The following CDH23 variants were observed in gnomAD, a reference collection of about 807,000 sequenced individuals.
CDH23 encodes the protein cadherin-23.
Under a neutral mutation model 317.1 loss-of-function variants are expected in CDH23, and 189 were observed. The ratio of observed to expected loss-of-function variants is 0.60; its 90% CI spans 0.53 to 0.67. The LOEUF (loss-of-function observed/expected upper bound fraction) is 0.67, where lower values mean the gene tolerates loss of function less well. Among genes scored for constraint, CDH23 ranks in the 30% least tolerant of loss-of-function variants. The pLI is 0.00. For missense variants in CDH23, 4,401 were observed against 4,592.4 expected, an observed-to-expected ratio of 0.96 and a Z score of 1.20; for synonymous variants, 1,839 against 1,876.8, an observed-to-expected ratio of 0.98 and a Z score of 0.52.
rs1230947269 is a variant in CDH23, at chr10:71,807,606, C to G, written c.8399C>G (p.Ser2800Cys). The change falls in exon 59 of 70, where the codon TCC becomes TGC. Residue 2800 changes from serine to cysteine, a missense_variant. Coordinates refer to ENST00000224721, the MANE Select transcript of CDH23 (RefSeq NM_022124.6). ...DLDREREAIF[S>C]FIVKASSNRS... Reference sequence around the variant, plus strand: ...GACCGGGAGCGAGAAGCCATCTTCTCCTTCATCGTCAAGGCCTCCAGCAAT... The same window carrying G: ...GACCGGGAGCGAGAAGCCATCTTCTGCTTCATCGTCAAGGCCTCCAGCAAT... 3 of 1,613,986 alleles carry G rather than the reference C, an allele frequency of 1.9e-6. No individual in the cohort carries two copies. The highest frequency in any genetic ancestry group is 2.5e-6 in the Non-Finnish European group (3 of 1,179,882).
rs187607291 is a variant in CDH23, at chr10:71,403,602, C to T, written c.-6+6284C>T. Among the ~76,000 whole-genome samples the T allele has an allele frequency of 3.9e-4, 58 of 150,184 alleles. No individual in the cohort carries two copies. In the East Asian group the frequency reaches 6.2e-3, roughly 16 times the overall value. ...CGCAATCTCAGCTTACTGCAACCTC[C>T]GCCTCCCGGATTCAAGTGATTCTCC... On this transcript the variant is annotated intron_variant, in intron 1 of 69. Transcript: ENST00000224721.
chr10:71,771,344 C>T (rs1028979984), intron 38 of CDH23, among the ~76,000 whole-genome samples: 2 of 152,214 alleles, frequency 1.3e-5, no homozygotes, highest in African/African-American at 2.4e-5. Context: ...AGTGCTGGCC[C>T]AACCCCAAGA....
In CDH23 at chr10:71,725,362, C is replaced by G; in HGVS notation, c.3431-10C>G. 1 of 1,613,998 alleles carries G rather than the reference C, an allele frequency of 6.2e-7. No homozygotes were observed. Among genetic ancestry groups the G allele is most frequent in the Non-Finnish European group, 8.5e-7 (1 of 1,179,876 alleles). On this transcript the variant is annotated splice_polypyrimidine_tract_variant and intron_variant, in intron 29 of 69. Transcript: ENST00000224721. ...GGCCGGTGTTCCAGGGGGTCTGTCCCTCCACACAGGTAACCATGGCAACAA... is the reference window on the plus strand; with the variant it reads ...GGCCGGTGTTCCAGGGGGTCTGTCCGTCCACACAGGTAACCATGGCAACAA...
intron 1 of CDH23, among the ~76,000 whole-genome samples, chr10:71,420,884 C>G (rs1048854513): frequency 2.0e-5 from 3 of 152,066 alleles, no homozygotes; most frequent in Non-Finnish European, 4.4e-5. Context: ...AAGGTACCCC[C>G]CGTCGCCTGG....
At chr10:71,491,847 T>TA (rs1192632171) in intron 3 of CDH23, among the ~76,000 whole-genome samples, 6 of 152,208 alleles carry the variant, frequency 3.9e-5, no homozygotes, top group African/African-American at 9.6e-5. Context: ...TTGGTGGGTC[T>TA]AAGGCCCTGT....
intron 11 of CDH23, among the ~76,000 whole-genome samples, chr10:71,638,578 A>T (rs747451967): frequency 5.3e-5 from 8 of 152,208 alleles, no homozygotes; most frequent in African/African-American, 9.6e-5. Flanking sequence ...CCCAACCCAA[A>T]GGCAGGACCT....
intron 11 of CDH23, chr10:71,635,327 C>T (rs1022356521): frequency 5.9e-5 from 9 of 152,614 alleles, no homozygotes; most frequent in African/African-American, 2.2e-4. Context: ...CTCGTGCCTT[C>T]ATCTGTAGAC....
At chr10:71,718,404 G>A (rs1025996160) in intron 28 of CDH23, among the ~76,000 whole-genome samples, 5 of 137,006 alleles carry the variant, frequency 3.6e-5, no homozygotes, top group Non-Finnish European at 7.8e-5. Context: ...GGCAGAAAAC[G>A]ACCCCTCCCA....
At chr10:71,475,454 G>T (rs1285761195) in intron 3 of CDH23, among the ~76,000 whole-genome samples, 1 of 152,224 alleles carries the variant, frequency 6.6e-6, no homozygotes, top group Non-Finnish European at 1.5e-5. Flanking sequence ...TAGGAGGGCG[G>T]TTGAGGACAG....
chr10:71,546,769 C>T (rs1171520306), intron 6 of CDH23, among the ~76,000 whole-genome samples: 2 of 152,176 alleles, frequency 1.3e-5, no homozygotes, highest in Non-Finnish European at 2.9e-5. Flanking sequence ...GGTGCATCGC[C>T]CTTCCTGTCA....
intron 48 of CDH23, chr10:71,796,104 G>A (rs772167214): frequency 1.8e-5 from 18 of 986,074 alleles, no homozygotes; most frequent in Non-Finnish European, 1.9e-5. Context: ...CATGGCTGGG[G>A]ACCCACGGAA....
intron 11 of CDH23, among the ~76,000 whole-genome samples, chr10:71,638,770 G>A (rs1302650743): frequency 2.0e-5 from 3 of 152,220 alleles, no homozygotes; most frequent in Non-Finnish European, 4.4e-5. Context: ...ACGGAGCCGG[G>A]TCTGCTGGGA....
intron 38 of CDH23, among the ~76,000 whole-genome samples, chr10:71,758,787 G>A (rs1382923097): frequency 1.3e-5 from 2 of 152,220 alleles, no homozygotes; most frequent in Non-Finnish European, 2.9e-5. Context: ...CAGCACTTTG[G>A]AGGTCAAGGT....
In CDH23 at chr10:71,798,506, A is replaced by G. The variant is rs1564799527; in HGVS notation, c.6982A>G (p.Asn2328Asp). Reference sequence around the variant, plus strand: ...AGCCGTGGACCCTGACAAGGGCCTTAATGGGCTGGTCACCTACACCCTGCT... The same window carrying G: ...AGCCGTGGACCCTGACAAGGGCCTTGATGGGCTGGTCACCTACACCCTGCT... ...VAAVDPDKGL[N>D]GLVTYTLLDL... Residue 2328 changes from asparagine to aspartate, a missense_variant, in exon 50 of 70, where the codon AAT becomes GAT. Physicochemically the swap from Asn to Asp is conservative, Grantham distance 23. This residue lies in a region of CDH23 where 3,068 missense variants were observed against 3,203.3 expected (regional missense o/e 0.96). Transcript: ENST00000224721. 6.2e-7 allele frequency: 1 copy of G among 1,613,954 alleles called. No individual in the cohort carries two copies. Among genetic ancestry groups the G allele is most frequent in the East Asian group, 2.2e-5 (1 of 44,882 alleles).
intron 14 of CDH23, chr10:71,647,821 C>T (rs1168128282): frequency 6.6e-6 from 1 of 152,246 alleles, no homozygotes; most frequent in Non-Finnish European, 1.5e-5. Context: ...GGATTGAATG[C>T]TAAGCAGATC....
Position 71,512,653 on chromosome 10 carries a change from C to T in CDH23, c.429+1441C>T, listed in dbSNP as rs536744601. ...GCAGGGAGCCGCACTGGCAAGGAGA[C>T]GAGGGGTCATGTCCCTCCTCTCCTG... On this transcript the variant is annotated intron_variant, in intron 6 of 69. Coordinates refer to ENST00000224721, the MANE Select transcript of CDH23 (RefSeq NM_022124.6). Among the ~76,000 whole-genome samples, 9 of 152,252 alleles carry T rather than the reference C, an allele frequency of 5.9e-5. No individual in the cohort carries two copies. In the East Asian group the frequency reaches 1.2e-3, roughly 20 times the overall value.
At chr10:71,657,918 C>CAT (rs1446694327) in intron 14 of CDH23, among the ~76,000 whole-genome samples, 3 of 137,268 alleles carry the variant, frequency 2.2e-5, no homozygotes, top group Non-Finnish European at 4.9e-5. Context: ...GAGAGGGACA[C>CAT]ATACACACAC....
At chr10:71,490,867 A>C (rs1852617402) in intron 3 of CDH23, among the ~76,000 whole-genome samples, 1 of 152,164 alleles carries the variant, frequency 6.6e-6, no homozygotes. Context: ...GTCCAAGGTC[A>C]CTCAGCTTGT....
chr10:71,716,555 C>T (rs1158045190), intron 28 of CDH23: 25 of 457,990 alleles, frequency 5.5e-5, no homozygotes, highest in Non-Finnish European at 9.2e-5. Flanking sequence ...TGGGCCCAAG[C>T]TCAGGCCCTC....
Sources: gnomAD v4.1 joint callset for allele counts (sites outside exome capture counted in the v4.1 genomes callset) on GRCh38, gnomAD v4.1.1 for gene constraint, gnomAD v4.1.1 regional missense constraint, MANE v1.5 for transcripts, NCBI Gene and HGNC (gene_info 2026-07-23, HGNC 2026-07-21) for gene names.